The following ARHGAP10 variants were observed in gnomAD, a reference collection of about 807,000 sequenced individuals.
ARHGAP10 encodes the protein rho GTPase-activating protein 10.
ARHGAP10 carries 87 observed loss-of-function variants against 108.6 expected under a neutral mutation model. That is an observed-to-expected ratio of 0.80 (90% CI 0.67 to 0.96). The LOEUF (loss-of-function observed/expected upper bound fraction) is 0.96, where lower values mean the gene tolerates loss of function less well. Among genes scored for constraint, ARHGAP10 ranks in the 40% least tolerant of loss-of-function variants. ARHGAP10 has a pLI of 0.00. For synonymous variants in ARHGAP10, 347 were observed against 341.1 expected, an observed-to-expected ratio of 1.02 and a Z score of -0.19; for missense variants, 939 against 954.5, an observed-to-expected ratio of 0.98 and a Z score of 0.21.
chr4:147,745,913 A>C (rs920837054), intron 1 of ARHGAP10, among the ~76,000 whole-genome samples: 2 of 150,668 alleles, frequency 1.3e-5, no homozygotes, highest in Non-Finnish European at 2.9e-5. Flanking sequence ...CAGCCTCCTG[A>C]GTAGCTGGGA....
At chr4:147,791,898 C>T (rs1314173477) in intron 1 of ARHGAP10, among the ~76,000 whole-genome samples, 1 of 152,192 alleles carries the variant, frequency 6.6e-6, no homozygotes, top group East Asian at 1.9e-4. Flanking sequence ...CCTACAGTGT[C>T]TTAGTCTGTT....
intron 3 of ARHGAP10, among the ~76,000 whole-genome samples, chr4:147,837,739 A>G (rs576098466): frequency 7.0e-6 from 1 of 143,202 alleles, no homozygotes; most frequent in East Asian, 2.1e-4. Flanking sequence ...TCATTACCTT[A>G]CTGCAAGCCA....
intron 19 of ARHGAP10, among the ~76,000 whole-genome samples, chr4:148,026,928 A>G (rs1578803647): frequency 6.6e-6 from 1 of 152,212 alleles, no homozygotes; most frequent in African/African-American, 2.4e-5. Context: ...AATGTTAAAT[A>G]TATGTTATGT....
At chr4:147,936,520 G>A (rs1176694358) in intron 13 of ARHGAP10, among the ~76,000 whole-genome samples, 2 of 151,598 alleles carry the variant, frequency 1.3e-5, no homozygotes, top group South Asian at 2.1e-4. Flanking sequence ...TAGTAGAGAC[G>A]GGGTTTCACC....
At chr4:148,050,991 A>G (rs955841982) in intron 20 of ARHGAP10, among the ~76,000 whole-genome samples, 1 of 152,226 alleles carries the variant, frequency 6.6e-6, no homozygotes, top group Admixed American at 6.5e-5. Flanking sequence ...GTCCAAATGT[A>G]TGTGGATCAC....
At chr4:148,038,217 C>G (rs1728467748) in intron 19 of ARHGAP10, among the ~76,000 whole-genome samples, 1 of 152,164 alleles carries the variant, frequency 6.6e-6, no homozygotes, top group African/African-American at 2.4e-5. Context: ...CTAGATACCA[C>G]TCTCCTTTTC....
chr4:147,870,800 T>G (rs1041846698), intron 7 of ARHGAP10, among the ~76,000 whole-genome samples: 1 of 152,088 alleles, frequency 6.6e-6, no homozygotes, highest in Admixed American at 6.6e-5. Flanking sequence ...GGAAATACAG[T>G]GTGCAAAATT....
chr4:147,881,893 T>A lies in ARHGAP10; in HGVS notation c.995T>A (p.Ile332Asn). The change falls in exon 10 of 23, where the codon ATT becomes AAT. Residue 332 changes from isoleucine (I) to asparagine (N), a missense_variant. By Grantham distance (149) the Ile-to-Asn change is moderately radical. Transcript: ENST00000336498. The stretch of plus-strand genomic sequence containing the variant: ...TGTACCAAGAGGCATACTGACTCCA[T>A]TGACAGAAGGTTTTGTTTTGACATA... ...KECTKRHTDS[I>N]DRRFCFDIEA... The A allele has an allele frequency of 6.2e-7, 1 of 1,614,130 alleles. No homozygotes were observed.
intron 4 of ARHGAP10, among the ~76,000 whole-genome samples, chr4:147,848,593 CTCTTT>C (rs1733728782): frequency 6.6e-6 from 1 of 152,186 alleles, no homozygotes; most frequent in Non-Finnish European, 1.5e-5. Context: ...TTGGTTCATT[CTCTTT>C]TAACATTTCA....
At chr4:147,839,439 T>A (rs1361950344) in intron 3 of ARHGAP10, among the ~76,000 whole-genome samples, 1 of 152,186 alleles carries the variant, frequency 6.6e-6, no homozygotes, top group Non-Finnish European at 1.5e-5. Flanking sequence ...TAAAATTCCT[T>A]CTGTTTCACT....
At position 148,049,820 on chromosome 4, in the gene ARHGAP10, G is replaced by GT. The variant is rs998683897; in HGVS notation, c.2027+2777dup. ...GTTTTTTTTGTTTGTTTGTTTGTTTGTTTTTTTTGGGTGGGGGGGCGGGGG... is the reference window on the plus strand; with the variant it reads ...GTTTTTTTTGTTTGTTTGTTTGTTTGTTTTTTTTTGGGTGGGGGGGCGGGGG... On this transcript the variant is annotated intron_variant, in intron 20 of 22. Coordinates refer to ENST00000336498, the MANE Select transcript of ARHGAP10 (RefSeq NM_024605.4). 2.8e-4 allele frequency among the ~76,000 whole-genome samples: 35 copies of GT among 123,390 alleles called. No homozygotes were observed. The East Asian group carries it at 3.7e-3, about 13-fold the overall frequency. The allele number at this position is 123,390 out of a possible 152,430, so 80.9% of individuals were successfully genotyped here.
At chr4:147,926,380 T>C (rs192905363) in intron 13 of ARHGAP10, among the ~76,000 whole-genome samples, 1 of 152,100 alleles carries the variant, frequency 6.6e-6, no homozygotes. Context: ...GAAGAGAGAC[T>C]TCGCAGACAA....
At chr4:147,975,132 G>T (rs1287294111) in intron 18 of ARHGAP10, among the ~76,000 whole-genome samples, 1 of 152,178 alleles carries the variant, frequency 6.6e-6, no homozygotes, top group Non-Finnish European at 1.5e-5. Context: ...ACATTTCCTG[G>T]ACAAGGATTC....
chr4:147,831,311 C>T (rs772878203), intron 3 of ARHGAP10, among the ~76,000 whole-genome samples: 1 of 152,164 alleles, frequency 6.6e-6, no homozygotes, highest in South Asian at 2.1e-4. Flanking sequence ...GAGACTATAG[C>T]TGGTTTGTGT....
chr4:147,747,364 T>C (rs1278177758), intron 1 of ARHGAP10, among the ~76,000 whole-genome samples: 4 of 152,334 alleles, frequency 2.6e-5, no homozygotes, highest in Non-Finnish European at 5.9e-5. Context: ...ATCTATTATC[T>C]AAAAATATCT....
intron 4 of ARHGAP10, among the ~76,000 whole-genome samples, chr4:147,849,577 T>C (rs546486294): frequency 6.1e-4 from 93 of 152,194 alleles, no homozygotes; most frequent in Non-Finnish European, 1.2e-3. Context: ...TTTTTAGATA[T>C]GGGGGTCAAC....
chr4:148,040,626 G>T (rs1728590768), intron 19 of ARHGAP10, among the ~76,000 whole-genome samples: 1 of 152,120 alleles, frequency 6.6e-6, no homozygotes, highest in Non-Finnish European at 1.5e-5. Context: ...ACAGACATGA[G>T]CTGCAGCGCC....
At chr4:147,764,275 C>T (rs1395817392) in intron 1 of ARHGAP10, among the ~76,000 whole-genome samples, 2 of 151,874 alleles carry the variant, frequency 1.3e-5, no homozygotes, top group African/African-American at 4.8e-5. Flanking sequence ...CCTTCAATAC[C>T]ACTTTGAGTT....
chr4:147,885,025 A>G (rs1441369266), intron 10 of ARHGAP10, among the ~76,000 whole-genome samples: 1 of 151,924 alleles, frequency 6.6e-6, no homozygotes, highest in East Asian at 1.9e-4. Flanking sequence ...GTGGGGGTGG[A>G]GCCAAGTGGG....
Sources: allele counts gnomAD v4.1 joint callset (sites outside exome capture counted in the v4.1 genomes callset), GRCh38; gene constraint gnomAD v4.1.1; transcripts MANE v1.5; gene names NCBI Gene and HGNC (gene_info 2026-07-23, HGNC 2026-07-21).